CREB3L3: variants seen among roughly 807,000 people sequenced by gnomAD.
CREB3L3 encodes cAMP responsive element binding protein 3 like 3.
In CREB3L3, 40 loss-of-function variants were observed where a neutral mutation model predicts 44.6. The observed-to-expected ratio is 0.90, with a 90% confidence interval of 0.70 to 1.17. CREB3L3 has a LOEUF of 1.17. Among genes scored for constraint, CREB3L3 ranks in the 50% most tolerant of loss-of-function variants. The pLI is 0.00. For synonymous variants in CREB3L3, 273 were observed against 256.3 expected (o/e 1.06, Z -0.62); for missense variants, 578 against 595.8 (o/e 0.97, Z 0.31).
intron 2 of CREB3L3, among the ~76,000 whole-genome samples, chr19:4,156,111 CT>C (rs1568277793): frequency 7.4e-6 from 1 of 135,272 alleles, no homozygotes; most frequent in Non-Finnish European, 1.6e-5. Context: ...CTCTCTCTCT[CT>C]CTCTCTCCCC....
intron 2 of CREB3L3, among the ~76,000 whole-genome samples, chr19:4,156,511 T>C (rs964884747): frequency 1.3e-5 from 2 of 148,382 alleles, no homozygotes; most frequent in African/African-American, 5.0e-5. Flanking sequence ...TTTTTCTTTT[T>C]TTTTTTTTTT....
At chr19:4,161,252 G>A (rs2041660069) in intron 4 of CREB3L3, among the ~76,000 whole-genome samples, 1 of 150,808 alleles carries the variant, frequency 6.6e-6, no homozygotes, top group South Asian at 2.1e-4. Context: ...GTGAGCCACC[G>A]TGCCCCGTTT....
chr19:4,160,304 A>G (rs1038328193), intron 4 of CREB3L3, among the ~76,000 whole-genome samples: 2 of 151,890 alleles, frequency 1.3e-5, no homozygotes, highest in African/African-American at 4.8e-5. Context: ...AACAATAACA[A>G]CAACAAAAAG....
At chr19:4,169,420 C>T (rs1192602063) in intron 6 of CREB3L3, among the ~76,000 whole-genome samples, 1 of 151,976 alleles carries the variant, frequency 6.6e-6, no homozygotes, top group Non-Finnish European at 1.5e-5. Flanking sequence ...GCAGAGCTTG[C>T]AGTGAGTCGA....
chr19:4,153,856 A>G, intron 1 of CREB3L3, 82 bp downstream of exon 1: 4 of 1,453,586 alleles, frequency 2.8e-6, no homozygotes, highest in Non-Finnish European at 3.8e-6. Context: ...GAAGGACCCC[A>G]TCTCCACCCC....
At chr19:4,158,820 AT>A (rs1321721417) in intron 3 of CREB3L3, among the ~76,000 whole-genome samples, 14 of 149,616 alleles carry the variant, frequency 9.4e-5, no homozygotes, top group Non-Finnish European at 1.5e-5. Flanking sequence ...AAAAAAAAAA[AT>A]CTGAGGCTCA....
At chr19:4,167,529 AAAGG>A (rs199816376) in intron 5 of CREB3L3, among the ~76,000 whole-genome samples, 23 of 134,846 alleles carry the variant, frequency 1.7e-4, no homozygotes, top group South Asian at 2.8e-4. Flanking sequence ...AGAAAGGGAG[AAAGG>A]AAGGAAGGGA....
intron 6 of CREB3L3, among the ~76,000 whole-genome samples, chr19:4,169,644 T>C (rs984444699): frequency 7.9e-5 from 11 of 139,000 alleles, no homozygotes; most frequent in Non-Finnish European, 1.7e-4. Context: ...CAGGCTGGAG[T>C]GCAATGGTGC....
Position 4,153,720 on chromosome 19 carries a change from G to A in CREB3L3, c.-28G>A. 1.9e-6 allele frequency: 3 copies of A among 1,614,002 alleles called. No homozygotes were observed. Among genetic ancestry groups the A allele is most frequent in the Non-Finnish European group, 2.5e-6 (3 of 1,179,978 alleles). ...CAGCTTGGAGCAGAGACCCCCCGAG[G>A]CATCTGCAGACAGAACTGGATGGAC... On this transcript the variant is annotated 5_prime_UTR_variant, in exon 1 of 10. Transcript: ENST00000078445.
intron 4 of CREB3L3, among the ~76,000 whole-genome samples, chr19:4,160,365 T>C (rs546275869): frequency 4.6e-5 from 7 of 151,982 alleles, no homozygotes; most frequent in South Asian, 2.1e-4. Context: ...CGCTCTTTAT[T>C]TATCATCTTA....
At chr19:4,162,902 G>T (rs536806802) in intron 4 of CREB3L3, among the ~76,000 whole-genome samples, 1 of 152,118 alleles carries the variant, frequency 6.6e-6, no homozygotes, top group African/African-American at 2.4e-5. Context: ...GCTTGAGCCC[G>T]GGAGGCGGAG....
At chr19:4,154,796 C>A (rs1050036446) in intron 1 of CREB3L3, 103 bp from the exon 2 acceptor site, 2 of 1,556,604 alleles carry the variant, frequency 1.3e-6, no homozygotes, top group Non-Finnish European at 8.8e-7. Context: ...GGAGGCAGAG[C>A]GGCAACTGAA....
intron 5 of CREB3L3, 31 bp downstream of exon 5, chr19:4,164,671 C>G (rs369538607): frequency 1.2e-6 from 2 of 1,613,224 alleles, no homozygotes; most frequent in Non-Finnish European, 1.7e-6. Flanking sequence ...AGCCCTGGAT[C>G]CATCTCCCCT....
intron 3 of CREB3L3, 140 bp downstream of exon 3, chr19:4,157,435 T>A: frequency 1.1e-6 from 1 of 894,796 alleles, no homozygotes; most frequent in Non-Finnish European, 1.8e-6. Context: ...AGACTCAAAC[T>A]CAGGACACGT....
At chr19:4,165,642 C>T (rs1966889465) in intron 5 of CREB3L3, among the ~76,000 whole-genome samples, 1 of 152,014 alleles carries the variant, frequency 6.6e-6, no homozygotes, top group Admixed American at 6.6e-5. Flanking sequence ...CAGAGGATCA[C>T]TTGAGGTCAG....
At chr19:4,164,296 C>T (rs530625759) in intron 4 of CREB3L3, 10 of 623,162 alleles carry the variant, frequency 1.6e-5, no homozygotes, top group African/African-American at 5.5e-5. Flanking sequence ...TTAGTAGAGA[C>T]GAGGTTTCAT....
chr19:4,159,548 A>G, intron 3 of CREB3L3, 116 bp from the exon 4 acceptor site: 1 of 740,262 alleles, frequency 1.4e-6, no homozygotes, highest in South Asian at 1.4e-5. Context: ...CAGAAGTCAT[A>G]TGAATGTTGG....
intron 6 of CREB3L3, among the ~76,000 whole-genome samples, chr19:4,169,771 G>A (rs1167878360): frequency 6.6e-6 from 1 of 151,690 alleles, no homozygotes; most frequent in Non-Finnish European, 1.5e-5. Flanking sequence ...GGCTAATTTT[G>A]CATTTTTAGT....
At chr19:4,163,137 C>T (rs1258524635) in intron 4 of CREB3L3, among the ~76,000 whole-genome samples, 1 of 151,880 alleles carries the variant, frequency 6.6e-6, no homozygotes, top group East Asian at 1.9e-4. Flanking sequence ...GAAACCCCGT[C>T]TCTACTAAAA....
Sources: allele counts gnomAD v4.1 joint callset (sites outside exome capture counted in the v4.1 genomes callset), GRCh38; gene constraint gnomAD v4.1.1; transcripts MANE v1.5; gene names NCBI Gene and HGNC (gene_info 2026-07-23, HGNC 2026-07-21).